The following MGAT5 variants were observed in gnomAD, a reference collection of about 807,000 sequenced individuals.
The protein encoded by MGAT5 is alpha-1,6-mannosylglycoprotein 6-beta-N-acetylglucosaminyltransferase.
MGAT5 carries 30 observed loss-of-function variants against 94.3 expected under a neutral mutation model. The ratio of observed to expected loss-of-function variants is 0.32; its 90% CI spans 0.24 to 0.43. The LOEUF is 0.43. MGAT5 is among the 20% of genes least tolerant of loss of function. The pLI, the probability that MGAT5 is intolerant of heterozygous loss-of-function variation, is 1.00. For missense variants in MGAT5, 691 were observed against 905.5 expected (o/e 0.76, Z 3.04); for synonymous variants, 310 against 322.9 (o/e 0.96, Z 0.43).
chr2:134,175,921 CCTT>C (rs1437256120), intron 1 of MGAT5, among the ~76,000 whole-genome samples: 2 of 152,176 alleles, frequency 1.3e-5, no homozygotes, highest in African/African-American at 4.8e-5. Flanking sequence ...ACAGGTTTCT[CCTT>C]CTTTCTTTTA....
At chr2:134,165,539 G>C (rs1558965778) in intron 1 of MGAT5, among the ~76,000 whole-genome samples, 1 of 152,142 alleles carries the variant, frequency 6.6e-6, no homozygotes, top group Non-Finnish European at 1.5e-5. Context: ...ACTTTGGGAA[G>C]CTGAGGCAGG....
At chr2:134,345,253 T>A (rs1208617070) in intron 8 of MGAT5, among the ~76,000 whole-genome samples, 189 bp downstream of exon 8, 2 of 152,208 alleles carry the variant, frequency 1.3e-5, no homozygotes, top group African/African-American at 4.8e-5. Context: ...TTTCATTGGT[T>A]TCTTAGAAAA....
chr2:134,136,332 C>T (rs926187974), intron 1 of MGAT5, among the ~76,000 whole-genome samples: 3 of 152,028 alleles, frequency 2.0e-5, no homozygotes, highest in Non-Finnish European at 2.9e-5. Context: ...TTTGGGAGGC[C>T]GAGGTGGGCG....
upstream of MGAT5, chr2:134,253,352 C>A (rs1229558115): frequency 2.6e-5 from 4 of 152,344 alleles, no homozygotes; most frequent in Non-Finnish European, 5.9e-5. Flanking sequence ...AGGACTCTGG[C>A]TGAAGGGGTG....
rs1553457734 is a variant in MGAT5, at chr2:134,381,382, T to TAAGA, written c.1380+18974_1380+18975insAAGA. On this transcript the variant is annotated intron_variant, in intron 10 of 15. Coordinates refer to ENST00000281923, the MANE Select transcript of MGAT5 (RefSeq NM_002410.5). ...AGATAGATAGATAAGATAAGATAGA[T>TAAGA]TAGATAGATAGATAGATAGATAGAT... is the stretch of plus-strand genomic sequence containing the variant. Among the ~76,000 whole-genome samples the TAAGA allele has an allele frequency of 7.5e-3, 815 of 107,994 alleles. 3 individuals are homozygous for TAAGA. Among genetic ancestry groups the TAAGA allele is most frequent in the Admixed American group, 0.01 (101 of 9,800 alleles). The allele number at this position is 107,994 out of a possible 152,430, so 70.8% of individuals were successfully genotyped here.
intron 2 of MGAT5, among the ~76,000 whole-genome samples, chr2:134,307,919 C>T (rs1686427201): frequency 6.6e-6 from 1 of 152,108 alleles, no homozygotes; most frequent in Non-Finnish European, 1.5e-5. Context: ...GAACCACTGC[C>T]TGGGGCCACT....
chr2:134,240,167 T>C (rs1681893470), intron 1 of MGAT5, among the ~76,000 whole-genome samples: 1 of 152,212 alleles, frequency 6.6e-6, no homozygotes, highest in Non-Finnish European at 1.5e-5. Context: ...CTTTCTCTTC[T>C]TTTGTTTACT....
chr2:134,219,729 C>CT (rs1382540205), intron 1 of MGAT5, among the ~76,000 whole-genome samples: 2 of 152,072 alleles, frequency 1.3e-5, no homozygotes, highest in Non-Finnish European at 2.9e-5. Flanking sequence ...TTAGGAGATC[C>CT]TGAAAAAATT....
intron 14 of MGAT5, among the ~76,000 whole-genome samples, chr2:134,429,940 A>G (rs1574082901): frequency 1.3e-5 from 2 of 152,222 alleles, no homozygotes; most frequent in African/African-American, 4.8e-5. Flanking sequence ...TCAGGCTCAC[A>G]GATTGTGGAA....
At chr2:134,430,684 C>A (rs1684831836) in intron 14 of MGAT5, among the ~76,000 whole-genome samples, 3 of 148,860 alleles carry the variant, frequency 2.0e-5, no homozygotes, top group Admixed American at 6.8e-5. Context: ...ACCATATAGG[C>A]CTTTCTGCAG....
intron 1 of MGAT5, among the ~76,000 whole-genome samples, chr2:134,241,048 A>C (rs1268525047): frequency 2.0e-5 from 3 of 152,270 alleles, no homozygotes; most frequent in Non-Finnish European, 4.4e-5. Flanking sequence ...CAGTTTTATT[A>C]GTGTAAAGTG....
chr2:134,245,457 T>G (rs922382889), intron 1 of MGAT5, among the ~76,000 whole-genome samples: 3 of 152,234 alleles, frequency 2.0e-5, no homozygotes. Flanking sequence ...CTTCTCACTC[T>G]TGTCCTCTTT....
At chr2:134,221,233 A>G (rs1680752128) in intron 1 of MGAT5, among the ~76,000 whole-genome samples, 1 of 152,222 alleles carries the variant, frequency 6.6e-6, no homozygotes, top group Non-Finnish European at 1.5e-5. Context: ...TTAGGAAGGC[A>G]GGAGACATCA....
At chr2:134,241,117 A>C (rs1681948154) in intron 1 of MGAT5, among the ~76,000 whole-genome samples, 1 of 152,256 alleles carries the variant, frequency 6.6e-6, no homozygotes, top group South Asian at 2.1e-4. Context: ...TGTAATCTTC[A>C]TAGCCACCCA....
In MGAT5 at chr2:134,336,423, G is replaced by T. The variant is rs890943981; in HGVS notation, c.645+135G>T. 4.3e-6 allele frequency: 3 copies of T among 695,442 alleles called. No homozygotes were observed. The African/African-American group carries it at 5.4e-5, about 13-fold the overall frequency. The allele number at this position is 695,442 out of a possible 1,614,324, so 43.1% of individuals were successfully genotyped here. On this transcript the variant is annotated intron_variant, in intron 5 of 15. Transcript: ENST00000281923. ...CTGAAAAACTTCTGTATTCGTCTCT[G>T]TGGAAGTCTAAGTGACTAAATCAGT...
At chr2:134,340,460 A>C (rs1688560268) in intron 6 of MGAT5, among the ~76,000 whole-genome samples, 1 of 152,176 alleles carries the variant, frequency 6.6e-6, no homozygotes, top group South Asian at 2.1e-4. Context: ...AGTCAGTGAG[A>C]GGAATATCCA....
intron 1 of MGAT5, among the ~76,000 whole-genome samples, chr2:134,195,959 T>C (rs1437885551): frequency 6.6e-6 from 1 of 152,190 alleles, no homozygotes. Context: ...TATCTGAGTG[T>C]CTAGAACAAA....
intron 10 of MGAT5, among the ~76,000 whole-genome samples, chr2:134,367,394 C>T (rs1680504577): frequency 6.6e-6 from 1 of 152,250 alleles, no homozygotes; most frequent in Admixed American, 6.5e-5. Context: ...GAACTCTAGA[C>T]TGTGGACCAA....
At chr2:134,443,724 G>T (rs566991725) in intron 15 of MGAT5, among the ~76,000 whole-genome samples, 1 of 152,240 alleles carries the variant, frequency 6.6e-6, no homozygotes, top group Admixed American at 6.5e-5. Flanking sequence ...GTAGGGTCCT[G>T]TGAGGGGCTT....
Sources: gnomAD v4.1 joint callset for allele counts (sites outside exome capture counted in the v4.1 genomes callset) on GRCh38, gnomAD v4.1.1 for gene constraint, MANE v1.5 for transcripts, NCBI Gene and HGNC (gene_info 2026-07-23, HGNC 2026-07-21) for gene names.